The following PDXDC1 variants were observed in gnomAD, a reference collection of about 807,000 sequenced individuals.
PDXDC1 encodes pyridoxal dependent decarboxylase domain containing 1, also known as pyridoxal-dependent decarboxylase domain-containing protein 1.
A neutral mutation model predicts 100.1 loss-of-function variants in PDXDC1; 42 were observed. The observed-to-expected ratio is 0.42, with a 90% CI of 0.33 to 0.54. The LOEUF is 0.54. PDXDC1 is among the 20% of genes least tolerant of loss of function. The pLI is 0.10. For synonymous variants in PDXDC1, 260 were observed against 371.7 expected (o/e 0.70, Z 3.46); for missense variants, 636 against 979.2 (o/e 0.65, Z 4.68).
intron 16 of PDXDC1, chr16:15,065,333 C>T (rs1359739525): frequency 6.2e-7 from 1 of 1,613,608 alleles, no homozygotes; most frequent in Admixed American, 1.7e-5. Flanking sequence ...GCGATTGTTC[C>T]TCTCAATGAT....
chr16:14,993,989 T>G (rs1488860808), intron 1 of PDXDC1, among the ~76,000 whole-genome samples: 2 of 152,278 alleles, frequency 1.3e-5, no homozygotes, highest in African/African-American at 4.8e-5. Flanking sequence ...TTGATGGGGT[T>G]GTTTTTTTCT....
At chr16:15,050,045 T>A (rs547053978) in intron 16 of PDXDC1, among the ~76,000 whole-genome samples, 1 of 152,332 alleles carries the variant, frequency 6.6e-6, no homozygotes, top group South Asian at 2.1e-4. Flanking sequence ...TTGTCCTCTC[T>A]TCTCTCAATG....
intron 16 of PDXDC1, chr16:15,133,188 C>T (rs1357035918): frequency 9.5e-7 from 1 of 1,047,430 alleles, no homozygotes; most frequent in Admixed American, 1.9e-5. Context: ...CTCCGCAAAG[C>T]TCCAGGCAGG....
At chr16:15,068,490 G>A (rs916636938) in intron 16 of PDXDC1, among the ~76,000 whole-genome samples, 2 of 152,210 alleles carry the variant, frequency 1.3e-5, no homozygotes, top group Admixed American at 6.5e-5. Flanking sequence ...CACCAAGGCA[G>A]CTTCTCTAAA....
Position 15,101,721 on chromosome 16 carries a change from G to C in PDXDC1, c.1400-37158G>C, listed in dbSNP as rs533671902. On this transcript the variant is annotated intron_variant, in intron 16 of 16. Coordinates refer to the PDXDC1 transcript ENST00000535621. ...TGGGGTCTCGCTTTTGCCCAGGTTA[G>C]AGTGCAGTGGCACAATCATAGTGGC... is the stretch of plus-strand genomic sequence containing the variant. Among the ~76,000 whole-genome samples the C allele has an allele frequency of 5.4e-3, 800 of 149,026 alleles. 14 individuals carry two copies. The highest frequency in any genetic ancestry group is 6.6e-3 in the Non-Finnish European group (443 of 67,324).
At chr16:15,100,940 C>A (rs2046522658) in intron 16 of PDXDC1, among the ~76,000 whole-genome samples, 1 of 152,178 alleles carries the variant, frequency 6.6e-6, no homozygotes, top group Admixed American at 6.5e-5. Flanking sequence ...GAGCTATGAT[C>A]TCCCCACTGC....
At chr16:15,117,490 C>T (rs1403465515) in intron 16 of PDXDC1, among the ~76,000 whole-genome samples, 9 of 150,810 alleles carry the variant, frequency 6.0e-5, no homozygotes, top group Non-Finnish European at 1.2e-4. Context: ...AACCCAGTCT[C>T]TACTAAAAAT....
chr16:15,093,553 C>A (rs1258141935), intron 16 of PDXDC1, among the ~76,000 whole-genome samples: 1 of 152,056 alleles, frequency 6.6e-6, no homozygotes, highest in African/African-American at 2.4e-5. Context: ...AGCAGGAGCT[C>A]GATAATTATT....
chr16:15,100,894 GAGGATCAATTGAGCCC>G (rs766537620), intron 16 of PDXDC1, among the ~76,000 whole-genome samples: 3 of 152,160 alleles, frequency 2.0e-5, no homozygotes, highest in Non-Finnish European at 4.4e-5. Context: ...GCTGAGACGT[GAGGATCAATTGAGCCC>G]AGGAGGTCGA....
intron 21 of PDXDC1, 106 bp from the exon 22 acceptor site, chr16:15,035,343 G>T (rs1361470552): frequency 3.5e-6 from 2 of 574,012 alleles, no homozygotes; most frequent in South Asian, 2.5e-5. Context: ...GGCAGGCTCA[G>T]TGGCTGGAAG....
rs541464401 is a variant in PDXDC1, at chr16:15,099,655, A to G, written c.1400-39224A>G. ...AGAAAATTAAGACCCTCCCCCTCCA[A>G]AAAGAGAAACAACAAAAAGCATGCA... On this transcript the variant is annotated intron_variant, in intron 16 of 16. Coordinates refer to the PDXDC1 transcript ENST00000535621. Among the ~76,000 whole-genome samples the G allele has an allele frequency of 2.6e-5, 4 of 152,188 alleles. No individual in the cohort carries two copies. In the East Asian group the frequency reaches 7.7e-4, roughly 29 times the overall value.
intron 16 of PDXDC1, among the ~76,000 whole-genome samples, chr16:15,110,085 C>T (rs1057044899): frequency 2.0e-5 from 3 of 148,478 alleles, no homozygotes; most frequent in African/African-American, 7.3e-5. Context: ...ACCCAAAAGA[C>T]AGTGAGCTGA....
intron 16 of PDXDC1, among the ~76,000 whole-genome samples, chr16:15,067,849 C>G (rs151137079): frequency 1.3e-5 from 2 of 152,176 alleles, no homozygotes; most frequent in Non-Finnish European, 2.9e-5. Flanking sequence ...CCTTGACTTC[C>G]TGGGCTCAAG....
At chr16:15,012,001 TTTTC>T (rs1747149757) in intron 8 of PDXDC1, among the ~76,000 whole-genome samples, 1 of 152,274 alleles carries the variant, frequency 6.6e-6, no homozygotes, top group African/African-American at 2.4e-5. Context: ...TAAAATTTCT[TTTTC>T]ATTCTTTTCC....
chr16:15,057,972 T>A (rs1247014658), intron 16 of PDXDC1, among the ~76,000 whole-genome samples: 3 of 152,122 alleles, frequency 2.0e-5, no homozygotes, highest in African/African-American at 7.2e-5. Context: ...CTACCTCTCT[T>A]CCCACCCAGC....
the PDXDC1 span, among the ~76,000 whole-genome samples, chr16:15,149,325 C>T: frequency 1.1e-4 from 17 of 152,312 alleles, no homozygotes; most frequent in South Asian, 4.1e-4. Flanking sequence ...TTGTTGAACG[C>T]GGGCTCCAGT....
Position 15,047,606 on chromosome 16 carries a change from A to G in PDXDC1, c.1399+17550A>G. ...ATTCCCTGATGCGAGTGCAGTGCGC[A>G]GGCCGAGACTCCGCCTGTCCCTCCG... is the stretch of plus-strand genomic sequence containing the variant. On this transcript the variant is annotated intron_variant, in intron 16 of 16. Coordinates refer to the PDXDC1 transcript ENST00000535621. The G allele has an allele frequency of 2.4e-6, 3 of 1,263,090 alleles. 1 individual carries two copies. In the South Asian group the frequency reaches 3.6e-5, roughly 15 times the overall value. The allele number at this position is 1,263,090 out of a possible 1,614,324, so 78.2% of individuals were successfully genotyped here.
intron 16 of PDXDC1, chr16:15,131,402 C>T (rs1598245708): frequency 6.2e-7 from 1 of 1,604,526 alleles, no homozygotes; most frequent in East Asian, 2.2e-5. Context: ...ATGAGCTGCA[C>T]CACGTCACTG....
chr16:14,998,176 C>T lies in PDXDC1; in HGVS notation c.96-164C>T, dbSNP rs1480131540. Among the ~76,000 whole-genome samples the T allele has an allele frequency of 5.3e-5, 8 of 152,268 alleles. No homozygotes were observed. The East Asian group carries it at 1.2e-3, about 22-fold the overall frequency. On this transcript the variant is annotated intron_variant, in intron 2 of 22. Transcript: ENST00000396410. ...CATATTCTTGTCTTTTCCAGAAATT[C>T]AAACGATACCTGAAACTGGAGGCAG...
Sources: gnomAD v4.1 joint callset for allele counts (sites outside exome capture counted in the v4.1 genomes callset) on GRCh38, gnomAD v4.1.1 for gene constraint, MANE v1.5 for transcripts, NCBI Gene and HGNC (gene_info 2026-07-23, HGNC 2026-07-21) for gene names.